Variants in COG4 observed in about 807,000 individuals in gnomAD.
COG4 encodes the protein component of oligomeric golgi complex 4.
Under a neutral mutation model 95.1 loss-of-function variants are expected in COG4, and 65 were observed. That is an observed-to-expected ratio of 0.68 (90% CI 0.56 to 0.84). The LOEUF is 0.84. COG4 is among the 40% of genes least tolerant of loss of function. COG4 has a pLI of 0.00. For synonymous variants in COG4, 421 were observed against 374.8 expected (o/e 1.12, Z -1.42); for missense variants, 1,045 against 989.1 (o/e 1.06, Z -0.76).
chr16:70,499,619 G>A (rs189601155), intron 9 of COG4, among the ~76,000 whole-genome samples: 9 of 152,136 alleles, frequency 5.9e-5, no homozygotes, highest in Admixed American at 4.6e-4. Context: ...AAAACCTAGC[G>A]AGTCAATCTG....
rs771133197 is a variant in COG4 at position 70,482,082 on chromosome 16, C to A, written c.2004+10G>T. 3 of 1,609,358 alleles carry A rather than the reference C, an allele frequency of 1.9e-6. No individual in the cohort carries two copies. The East Asian group carries it at 6.7e-5, about 36-fold the overall frequency. On this transcript the variant is annotated intron_variant, in intron 16 of 18. Coordinates refer to ENST00000323786, the MANE Select transcript of COG4 (RefSeq NM_015386.3). ...AATTCCCTAAGTGGATCCCTAGGGCCCCTGCTCACCTTGAACTCTGCCATT... is the reference window on the plus strand; with the variant it reads ...AATTCCCTAAGTGGATCCCTAGGGCACCTGCTCACCTTGAACTCTGCCATT...
chr16:70,515,888 C>G (rs1027092960), intron 3 of COG4: 3 of 404,384 alleles, frequency 7.4e-6, no homozygotes, highest in Middle Eastern at 3.6e-4. Flanking sequence ...GGTTTGGTCT[C>G]CAACTTCTGG....
chr16:70,498,030 G>A lies in COG4; in HGVS notation c.1221C>T (p.Leu407=), dbSNP rs749110469. ...TACAGCTCAAAAGGCAGTTATTGAG[G>A]AGTTTGTCCAGACACTTCTGGTGCT... The part of the protein sequence containing the change: ...KQEHQKCLDK[L]LNNCLLSCTM... The change falls in exon 10 of 19, where the codon CTC becomes CTT. Residue 407 remains leucine (L), a synonymous_variant. Coordinates refer to ENST00000323786, the MANE Select transcript of COG4 (RefSeq NM_015386.3). 1.2e-6 allele frequency: 2 copies of A among 1,613,446 alleles called. No individual in the cohort carries two copies. The highest frequency in any genetic ancestry group is 4.5e-5 in the East Asian group (2 of 44,882).
intron 13 of COG4, among the ~76,000 whole-genome samples, chr16:70,487,545 G>A (rs2151743075): frequency 6.6e-6 from 1 of 152,308 alleles, no homozygotes; most frequent in East Asian, 1.9e-4. Flanking sequence ...TCGCGCCATT[G>A]CACTCTAGCC....
intron 8 of COG4, 113 bp from the exon 9 acceptor site, chr16:70,501,204 G>T: frequency 1.6e-6 from 2 of 1,221,716 alleles, no homozygotes; most frequent in Non-Finnish European, 2.4e-6. Context: ...ATAAGGAAAA[G>T]CTCTGCCAGA....
chr16:70,501,187 T>A, intron 8 of COG4, 96 bp from the exon 9 acceptor site: 1 of 1,409,988 alleles, frequency 7.1e-7, no homozygotes, highest in Non-Finnish European at 9.9e-7. Flanking sequence ...CCCTCCCCAC[T>A]GGGCCCATAA....
At chr16:70,518,926 G>C (rs28475204) in intron 2 of COG4, among the ~76,000 whole-genome samples, 18,077 of 150,676 alleles carry the variant, frequency 0.12, 3,592 homozygotes, top group African/African-American at 0.41. Flanking sequence ...GCAGTGAGCC[G>C]AGATCATGCC....
intron 5 of COG4, 21 bp downstream of exon 5, chr16:70,512,217 GC>G: frequency 6.2e-7 from 1 of 1,611,188 alleles, no homozygotes; most frequent in East Asian, 2.2e-5. Context: ...CAATTATCCT[GC>G]CAAGCAATCA....
rs553778811 is a variant in COG4, at chr16:70,493,555, T to C, written c.1647+2711A>G. Among the ~76,000 whole-genome samples, 17 of 152,242 alleles carry C rather than the reference T, an allele frequency of 1.1e-4. No homozygotes were observed. The South Asian group carries it at 2.1e-3, about 19-fold the overall frequency. On this transcript the variant is annotated intron_variant, in intron 12 of 18. Coordinates refer to ENST00000323786, the MANE Select transcript of COG4 (RefSeq NM_015386.3). ...CAATGAGTAAGAGAGTGAATGAACA[T>C]ATTCTGGAAAGGGGATAATATAAGC...
intron 13 of COG4, among the ~76,000 whole-genome samples, chr16:70,487,930 T>C (rs2049171195): frequency 6.6e-6 from 1 of 152,134 alleles, no homozygotes; most frequent in African/African-American, 2.4e-5. Context: ...GTTCAAGCGA[T>C]TCTCCTGTCT....
At chr16:70,497,128 G>A in intron 11 of COG4, 93 bp downstream of exon 11, 1 of 1,235,082 alleles carries the variant, frequency 8.1e-7, no homozygotes, top group Admixed American at 1.7e-5. Flanking sequence ...AACTTAACTA[G>A]AATCATGAGG....
intron 13 of COG4, among the ~76,000 whole-genome samples, chr16:70,485,070 TG>T (rs2049099059): frequency 6.6e-6 from 1 of 152,094 alleles, no homozygotes; most frequent in Non-Finnish European, 1.5e-5. Context: ...TTCAAAGCCA[TG>T]GCAATAAGTC....
chr16:70,509,040 T>A, intron 7 of COG4, 191 bp downstream of exon 7: 1 of 699,380 alleles, frequency 1.4e-6, no homozygotes, highest in Non-Finnish European at 2.5e-6. Flanking sequence ...ACTGAGGCCA[T>A]CATCATCTCG....
chr16:70,515,962 C>A (rs2151762697), intron 3 of COG4: 1 of 455,812 alleles, frequency 2.2e-6, no homozygotes, highest in Non-Finnish European at 4.4e-6. Flanking sequence ...AGCCACCACA[C>A]CTGGCCAGCT....
At chr16:70,522,784 C>T (rs1294771923) in intron 1 of COG4, among the ~76,000 whole-genome samples, 5 of 152,084 alleles carry the variant, frequency 3.3e-5, no homozygotes, top group Non-Finnish European at 7.4e-5. Context: ...AGTCCACACC[C>T]CTCATTTGAT....
rs1342583762 is a variant in COG4, at chr16:70,490,339, C to G, written c.1701G>C (p.Lys567Asn). The change falls in exon 13 of 19, where the codon AAG becomes AAC. Residue 567 changes from lysine (K) to asparagine (N), a missense_variant. Coordinates refer to ENST00000323786, the MANE Select transcript of COG4 (RefSeq NM_015386.3). ...VCSENISTLK[K>N]TLESDCTKLF... ...GCAATTTCCCTCGTACCTCCAGTGT[C>G]TTCTTCAGAGTGGAGATGTTTTCAC... is the stretch of plus-strand genomic sequence containing the variant. 6 of 1,613,738 alleles carry G rather than the reference C, an allele frequency of 3.7e-6. No homozygotes were observed. Among genetic ancestry groups the G allele is most frequent in the Admixed American group, 1.7e-5 (1 of 60,008 alleles).
intron 12 of COG4, among the ~76,000 whole-genome samples, chr16:70,494,630 A>G (rs1158052844): frequency 6.6e-6 from 1 of 152,110 alleles, no homozygotes; most frequent in African/African-American, 2.4e-5. Flanking sequence ...ACGGAACTGG[A>G]AAGGTGGTAT....
rs80034177 is a variant in COG4 at position 70,500,950 on chromosome 16, G to A, written c.1195+8C>T. ...AACCCTCCCCAAAAATATGGGAAAC[G>A]TTTTTACCTTGCTTTACTTCCTCTG... On this transcript the variant is annotated splice_region_variant and intron_variant, in intron 9 of 18. Transcript: ENST00000323786. 9,594 of 1,613,914 alleles carry A rather than the reference G, an allele frequency of 5.9e-3. 520 individuals are homozygous for A. In the African/African-American group the frequency reaches 0.11, roughly 19 times the overall value.
chr16:70,496,287 G>A lies in COG4; in HGVS notation c.1626C>T (p.Asp542=), dbSNP rs2049337623. The change falls in exon 12 of 19, where the codon GAC becomes GAT. Residue 542 remains aspartate, a synonymous_variant. Coordinates refer to ENST00000323786, the MANE Select transcript of COG4 (RefSeq NM_015386.3). ...CTACCAGGAAGGACATCTTCGCCTC[G>A]TCAGTACTCTCGATGCCTTTTGTGT... The part of the protein sequence containing the change: ...KFDTKGIEST[D]EAKMSFLVTL... The A allele has an allele frequency of 1.9e-6, 3 of 1,614,076 alleles. No homozygotes were observed. The highest frequency in any genetic ancestry group is 2.2e-5 in the East Asian group (1 of 44,898).
Sources: allele counts gnomAD v4.1 joint callset (sites outside exome capture counted in the v4.1 genomes callset), GRCh38; gene constraint gnomAD v4.1.1; transcripts MANE v1.5; gene names NCBI Gene and HGNC (gene_info 2026-07-23, HGNC 2026-07-21).